IMMP2L: variants seen among roughly 807,000 people sequenced by gnomAD.
IMMP2L encodes the protein inner mitochondrial membrane peptidase subunit 2.
Under a neutral mutation model 19.3 loss-of-function variants are expected in IMMP2L, and 18 were observed. The ratio of observed to expected loss-of-function variants is 0.93; its 90% CI spans 0.64 to 1.38. The LOEUF is 1.38. IMMP2L is among the 40% of genes most tolerant of loss of function. The pLI is 0.00. For synonymous variants in IMMP2L, 76 were observed against 73.0 expected, an observed-to-expected ratio of 1.04 and a Z score of -0.21; for missense variants, 233 against 218.2, an observed-to-expected ratio of 1.07 and a Z score of -0.43.
intron 4 of IMMP2L, among the ~76,000 whole-genome samples, chr7:110,947,994 T>C (rs2129553779): frequency 6.6e-6 from 1 of 151,276 alleles, no homozygotes; most frequent in South Asian, 2.1e-4. Flanking sequence ...AATTTACTCT[T>C]CTGAAAGAAA....
chr7:111,198,223 A>G (rs1375128955), intron 3 of IMMP2L, among the ~76,000 whole-genome samples: 1 of 152,184 alleles, frequency 6.6e-6, no homozygotes, highest in Non-Finnish European at 1.5e-5. Flanking sequence ...TAGTCTGCAT[A>G]AACTGGCTGA....
intron 3 of IMMP2L, among the ~76,000 whole-genome samples, chr7:111,390,135 C>A (rs890361473): frequency 6.6e-6 from 1 of 152,148 alleles, no homozygotes; most frequent in East Asian, 1.9e-4. Context: ...AGTAGACAGC[C>A]GCCAGGTCAG....
chr7:111,489,100 G>A (rs1303171374), intron 2 of IMMP2L, among the ~76,000 whole-genome samples: 1 of 139,350 alleles, frequency 7.2e-6, no homozygotes, highest in East Asian at 2.1e-4. Flanking sequence ...CTGGAGTGCA[G>A]TGGCATCATC....
intron 3 of IMMP2L, among the ~76,000 whole-genome samples, chr7:110,997,550 G>C (rs1322952091): frequency 6.6e-6 from 1 of 152,034 alleles, no homozygotes; most frequent in African/African-American, 2.4e-5. Context: ...ATTTATTTTA[G>C]TAATTCTAAT....
At chr7:111,146,985 T>G (rs1484532392) in intron 3 of IMMP2L, among the ~76,000 whole-genome samples, 1 of 152,142 alleles carries the variant, frequency 6.6e-6, no homozygotes, top group African/African-American at 2.4e-5. Context: ...TTGTTCTTCC[T>G]GTGGCTCCAT....
chr7:111,243,514 A>ATTTTTT (rs11427623), intron 3 of IMMP2L, among the ~76,000 whole-genome samples: 1 of 141,646 alleles, frequency 7.1e-6, no homozygotes, highest in Non-Finnish European at 1.5e-5. Context: ...TTGTTGCTTT[A>ATTTTTT]TTTTTTTTTT....
intron 3 of IMMP2L, among the ~76,000 whole-genome samples, chr7:111,111,453 A>G (rs1586341112): frequency 6.8e-6 from 1 of 146,758 alleles, no homozygotes; most frequent in East Asian, 2.2e-4. Flanking sequence ...CCCCGCCCTT[A>G]ATTTTAGCCC....
intron 4 of IMMP2L, among the ~76,000 whole-genome samples, chr7:110,907,272 A>T (rs1812563393): frequency 6.6e-6 from 1 of 152,148 alleles, no homozygotes; most frequent in Non-Finnish European, 1.5e-5. Context: ...AATTTGGTAA[A>T]TTTAGGAGCT....
At chr7:111,512,466 T>C (rs1845535265) in intron 2 of IMMP2L, among the ~76,000 whole-genome samples, 2 of 152,054 alleles carry the variant, frequency 1.3e-5, no homozygotes. Flanking sequence ...TCCATAAGTT[T>C]ACTTTTAATA....
At chr7:111,353,845 C>A (rs1828427955) in intron 3 of IMMP2L, among the ~76,000 whole-genome samples, 1 of 152,078 alleles carries the variant, frequency 6.6e-6, no homozygotes, top group African/African-American at 2.4e-5. Flanking sequence ...ATATATGTTA[C>A]ATAAGTTATG....
intron 5 of IMMP2L, among the ~76,000 whole-genome samples, chr7:110,690,099 G>A (rs1454978113): frequency 1.3e-5 from 2 of 152,066 alleles, no homozygotes; most frequent in East Asian, 3.9e-4. Flanking sequence ...CAGAGTCCAG[G>A]CCAGGCTTCT....
At chr7:111,042,658 G>A (rs146605099) in intron 3 of IMMP2L, among the ~76,000 whole-genome samples, 78 of 152,230 alleles carry the variant, frequency 5.1e-4, no homozygotes, top group Non-Finnish European at 6.9e-4. Flanking sequence ...TTTATACTCC[G>A]CCTAAAATCT....
At chr7:110,678,665 C>T (rs895240000) in intron 5 of IMMP2L, among the ~76,000 whole-genome samples, 5 of 152,066 alleles carry the variant, frequency 3.3e-5, no homozygotes, top group African/African-American at 9.7e-5. Flanking sequence ...CCAAGTACCC[C>T]GAGAGCAGAG....
intron 2 of IMMP2L, 125 bp from the exon 3 acceptor site, chr7:111,487,466 C>A: frequency 1.8e-6 from 1 of 558,600 alleles, no homozygotes; most frequent in Non-Finnish European, 3.2e-6. Flanking sequence ...CTATAAATTG[C>A]TGTTCTAAAG....
At chr7:111,386,390 T>C (rs1261189884) in intron 3 of IMMP2L, among the ~76,000 whole-genome samples, 1 of 152,144 alleles carries the variant, frequency 6.6e-6, no homozygotes, top group African/African-American at 2.4e-5. Flanking sequence ...TGGTTTTCTA[T>C]TTGAAAATAG....
In IMMP2L at chr7:110,760,197, G is replaced by A. The variant is rs1048908138; in HGVS notation, c.409-96476C>T. Among the ~76,000 whole-genome samples the A allele has an allele frequency of 3.9e-5, 6 of 152,128 alleles. No homozygotes were observed. Among genetic ancestry groups the A allele is most frequent in the South Asian group, 2.1e-4 (1 of 4,820 alleles). Reference sequence around the variant, plus strand: ...TGAGAATTCAGTCTCAATTCTCCACGTCCAGGCCTAAGATAGTATCATTCC... The same window carrying A: ...TGAGAATTCAGTCTCAATTCTCCACATCCAGGCCTAAGATAGTATCATTCC... On this transcript the variant is annotated intron_variant, in intron 5 of 5. Transcript: ENST00000405709. The surrounding 1 kb of genome is among the most constrained non-coding windows in gnomAD (Gnocchi z 4.2).
chr7:110,713,315 T>TA (rs2130718288), intron 5 of IMMP2L, among the ~76,000 whole-genome samples: 2 of 152,342 alleles, frequency 1.3e-5, no homozygotes, highest in African/African-American at 4.8e-5. Flanking sequence ...ACTGTGGACT[T>TA]ACATTACTAG....
At chr7:111,073,141 A>G (rs1260232579) in intron 3 of IMMP2L, among the ~76,000 whole-genome samples, 2 of 152,186 alleles carry the variant, frequency 1.3e-5, no homozygotes, top group Non-Finnish European at 2.9e-5. Context: ...ATGTCGGGTT[A>G]AAGGGTCATT....
intron 2 of IMMP2L, among the ~76,000 whole-genome samples, chr7:111,503,482 C>T (rs947731130): frequency 6.6e-6 from 1 of 152,106 alleles, no homozygotes; most frequent in Non-Finnish European, 1.5e-5. Flanking sequence ...AGGCCAGCAT[C>T]ATCCTGATAC....
Sources: allele counts gnomAD v4.1 joint callset (sites outside exome capture counted in the v4.1 genomes callset), GRCh38; gene constraint gnomAD v4.1.1; non-coding constraint Gnocchi (gnomAD v3.1); transcripts MANE v1.5; gene names NCBI Gene and HGNC (gene_info 2026-07-23, HGNC 2026-07-21).